GALNT2: variants seen among roughly 807,000 people sequenced by gnomAD.
GALNT2 encodes the protein UDP-GalNAc:polypeptide N-acetylgalactosaminyltransferase 2.
In GALNT2, 31 loss-of-function variants were observed where a neutral mutation model predicts 81.4. That is an observed-to-expected ratio of 0.38 (90% CI 0.29 to 0.51). The LOEUF is 0.51. Among genes scored for constraint, GALNT2 ranks in the 20% least tolerant of loss-of-function variants. The pLI is 0.87. For synonymous variants in GALNT2, 303 were observed against 287.4 expected (o/e 1.05, Z -0.55); for missense variants, 629 against 765.7 (o/e 0.82, Z 2.11).
At chr1:230,252,362 A>G (rs1330945000) in intron 10 of GALNT2, among the ~76,000 whole-genome samples, 2 of 152,148 alleles carry the variant, frequency 1.3e-5, no homozygotes, top group East Asian at 1.9e-4. Context: ...GTAAGTCCTT[A>G]TGTCATTTAA....
intron 13 of GALNT2, 151 bp from the exon 14 acceptor site, chr1:230,265,090 A>G (rs1665993718): frequency 6.7e-6 from 6 of 898,426 alleles, no homozygotes; most frequent in Middle Eastern, 2.9e-4. Context: ...CCTGACACAC[A>G]CTACCTGTGG....
At chr1:230,205,165 T>C (rs992054464) in intron 3 of GALNT2, among the ~76,000 whole-genome samples, 1 of 152,112 alleles carries the variant, frequency 6.6e-6, no homozygotes, top group Non-Finnish European at 1.5e-5. Context: ...GAAACTACAT[T>C]CACACACACT....
chr1:230,154,412 C>A (rs1015789776), intron 1 of GALNT2, among the ~76,000 whole-genome samples: 2 of 152,162 alleles, frequency 1.3e-5, no homozygotes, highest in East Asian at 3.8e-4. Context: ...ATGTGCCAAA[C>A]CGGCACAGGT....
chr1:230,135,636 C>G (rs977568933), intron 1 of GALNT2, among the ~76,000 whole-genome samples: 3 of 152,130 alleles, frequency 2.0e-5, no homozygotes, highest in African/African-American at 7.2e-5. Flanking sequence ...CTGGCAGGCT[C>G]GGCTCTGGAT....
chr1:230,214,020 C>T (rs1419506494), intron 3 of GALNT2, among the ~76,000 whole-genome samples: 7 of 152,058 alleles, frequency 4.6e-5, no homozygotes, highest in Admixed American at 3.9e-4. Context: ...TACCTAAGAC[C>T]ATATTCCTTC....
chr1:230,260,202 T>C (rs765875472), intron 11 of GALNT2, among the ~76,000 whole-genome samples: 5 of 152,224 alleles, frequency 3.3e-5, no homozygotes, highest in Non-Finnish European at 2.9e-5. Flanking sequence ...TTAATACTTA[T>C]TTAATACTAC....
intron 1 of GALNT2, among the ~76,000 whole-genome samples, chr1:230,105,496 T>C (rs112486073): frequency 2.0e-5 from 3 of 152,192 alleles, no homozygotes; most frequent in African/African-American, 7.2e-5. Flanking sequence ...TCTTCCTGAG[T>C]GGCACACAAA....
intron 1 of GALNT2, 64 bp downstream of exon 1, chr1:230,067,470 C>G: frequency 1.7e-6 from 1 of 590,398 alleles, no homozygotes. Flanking sequence ...GCCCCTGTCC[C>G]CTGCCCTCTC....
intron 8 of GALNT2, among the ~76,000 whole-genome samples, chr1:230,248,524 C>A (rs1271926312): frequency 6.6e-6 from 1 of 152,180 alleles, no homozygotes; most frequent in Non-Finnish European, 1.5e-5. Flanking sequence ...ACAACCAAGT[C>A]CGGGTACAGG....
intron 1 of GALNT2, among the ~76,000 whole-genome samples, chr1:230,082,614 A>C (rs1429676381): frequency 2.6e-5 from 4 of 152,198 alleles, no homozygotes; most frequent in Non-Finnish European, 5.9e-5. Flanking sequence ...TCGGGAAGGG[A>C]GTGTAGTGGC....
intron 1 of GALNT2, among the ~76,000 whole-genome samples, chr1:230,165,167 C>G (rs1039150153): frequency 6.6e-6 from 1 of 152,244 alleles, no homozygotes; most frequent in Non-Finnish European, 1.5e-5. Flanking sequence ...ATTCTCCACT[C>G]TTAACACAAT....
At chr1:230,069,155 C>G (rs557035025) in intron 1 of GALNT2, among the ~76,000 whole-genome samples, 18 of 152,206 alleles carry the variant, frequency 1.2e-4, no homozygotes, top group Non-Finnish European at 2.5e-4. Flanking sequence ...TCGTTCGCCT[C>G]CCGGAGGCTG....
intron 1 of GALNT2, among the ~76,000 whole-genome samples, chr1:230,060,533 A>C (rs1352319498): frequency 6.7e-6 from 1 of 148,360 alleles, no homozygotes; most frequent in South Asian, 2.2e-4. Flanking sequence ...CACCACCACC[A>C]CCCCCACCCA....
intron 6 of GALNT2, among the ~76,000 whole-genome samples, chr1:230,240,911 C>T (rs983668242): frequency 6.6e-6 from 1 of 152,126 alleles, no homozygotes; most frequent in Non-Finnish European, 1.5e-5. Flanking sequence ...AATTTTTTCT[C>T]TGTCCACCAG....
At chr1:230,263,227 G>A (rs905443026) in intron 13 of GALNT2, 46 of 551,656 alleles carry the variant, frequency 8.3e-5, no homozygotes, top group Non-Finnish European at 1.1e-4. Context: ...CCCATGCTTC[G>A]GAGTCCCAGA....
At chr1:230,131,124 GT>G (rs570921675) in intron 1 of GALNT2, among the ~76,000 whole-genome samples, 6 of 148,310 alleles carry the variant, frequency 4.0e-5, no homozygotes, top group South Asian at 2.1e-4. Flanking sequence ...CAAAACGTTT[GT>G]TTTTTTTTTA....
At position 230,281,918 on chromosome 1, in the gene GALNT2, C is replaced by G. The variant is rs7022; in HGVS notation, c.*2460C>G. 0.43 allele frequency: 65,089 copies of G among 152,324 alleles called. 16,291 individuals are homozygous for G. The highest frequency in any genetic ancestry group is 0.7 in the African/African-American group (29,079 of 41,446). The allele number at this position is 152,324 out of a possible 1,614,324, so 9.4% of individuals were successfully genotyped here. A position where few individuals can be genotyped will look rare whatever the true frequency, so the allele number is the denominator to read the frequency against. On this transcript the variant is annotated 3_prime_UTR_variant, in exon 16 of 16. Coordinates refer to ENST00000366672, the MANE Select transcript of GALNT2 (RefSeq NM_004481.5). ...GCCGAAGTTAGTTGTCTTCTCTGTG[C>G]TGGTCCTTTCTTATGTCCTCATAAA... is the stretch of plus-strand genomic sequence containing the variant.
intron 1 of GALNT2, among the ~76,000 whole-genome samples, chr1:230,074,878 T>C (rs951580749): frequency 7.2e-5 from 11 of 152,130 alleles, no homozygotes; most frequent in African/African-American, 2.7e-4. Flanking sequence ...AGACCCAGGG[T>C]TGTCTGGTGG....
At chr1:230,250,384 G>A (rs1052996476) in intron 9 of GALNT2, 73 bp from the exon 10 acceptor site, 15 of 1,108,252 alleles carry the variant, frequency 1.4e-5, no homozygotes, top group Admixed American at 1.9e-5. Context: ...CTTGGCCTTG[G>A]CGCAAGGGTG....
Sources: gnomAD v4.1 joint callset for allele counts (sites outside exome capture counted in the v4.1 genomes callset) on GRCh38, gnomAD v4.1.1 for gene constraint, MANE v1.5 for transcripts, NCBI Gene and HGNC (gene_info 2026-07-23, HGNC 2026-07-21) for gene names.